Variants in GJB7 observed in about 807,000 individuals in gnomAD.
The protein encoded by GJB7 is gap junction protein beta 7.
For missense variants in GJB7, 253 were observed against 256.8 expected (o/e 0.99, Z 0.10); for synonymous variants, 87 against 95.2 (o/e 0.91, Z 0.50).
intron 1 of GJB7, among the ~76,000 whole-genome samples, chr6:87,327,024 G>T: frequency 7.2e-6 from 1 of 138,312 alleles, no homozygotes; most frequent in African/African-American, 2.8e-5. Flanking sequence ...TTATGTAATG[G>T]CCTTCTTTGT....
At chr6:87,287,431 C>T (rs185224238) in intron 2 of GJB7, among the ~76,000 whole-genome samples, 108 of 152,314 alleles carry the variant, frequency 7.1e-4, no homozygotes, top group African/African-American at 2.2e-3. Context: ...AGCAAGCCCA[C>T]ATTCCAGAGC....
At position 87,284,588 on chromosome 6, in the gene GJB7, G is replaced by A. The variant is rs142609258; in HGVS notation, c.325C>T (p.Leu109Phe). The A allele has an allele frequency of 6.1e-5, 99 of 1,614,118 alleles. 1 individual carries two copies. In the African/African-American group the frequency reaches 1.3e-3, roughly 21 times the overall value. Residue 109 changes from leucine to phenylalanine, a missense_variant, in exon 3 of 3, where the codon CTC (leucine) becomes TTC (phenylalanine). Transcript: ENST00000525899. ...TCCATTGTACCTGGGCTGACATAGA[G>A]TTTCTTTCTGTGCCTTTTCTCTCTA... Reference protein sequence around the residue: ...EGREKRHRKKLYVSPGTMDGG... With the variant: ...EGREKRHRKKFYVSPGTMDGG...
At chr6:87,323,466 T>A (rs1293501215) in intron 1 of GJB7, among the ~76,000 whole-genome samples, 1 of 124,068 alleles carries the variant, frequency 8.1e-6, no homozygotes, top group Admixed American at 1.0e-4. Context: ...GATGTTCCCC[T>A]TCCTGTGTCC....
At chr6:87,309,632 A>G (rs934111534) in intron 2 of GJB7, among the ~76,000 whole-genome samples, 2 of 152,234 alleles carry the variant, frequency 1.3e-5, no homozygotes, top group African/African-American at 4.8e-5. Flanking sequence ...GAAAGAAAAT[A>G]TTGATTTTTT....
intron 2 of GJB7, among the ~76,000 whole-genome samples, chr6:87,318,991 T>A (rs1776621428): frequency 6.6e-6 from 1 of 152,242 alleles, no homozygotes; most frequent in Admixed American, 6.5e-5. Context: ...GCTAGTGGCA[T>A]CAGTGGTCCC....
At chr6:87,310,011 T>C (rs939872328) in intron 2 of GJB7, among the ~76,000 whole-genome samples, 3 of 152,318 alleles carry the variant, frequency 2.0e-5, no homozygotes, top group East Asian at 1.9e-4. Context: ...TGGTTTCCTA[T>C]ATAGTCCTTA....
intron 2 of GJB7, chr6:87,299,110 A>T (rs1776285302): frequency 2.0e-6 from 1 of 495,338 alleles, no homozygotes; most frequent in Non-Finnish European, 4.0e-6. Context: ...GTGCTATTGT[A>T]CTGCCATGCT....
At chr6:87,316,743 A>G (rs1776589852) in intron 2 of GJB7, among the ~76,000 whole-genome samples, 2 of 152,080 alleles carry the variant, frequency 1.3e-5, no homozygotes, top group Admixed American at 1.3e-4. Flanking sequence ...CATTCCCTAA[A>G]CGTGGATGCA....
chr6:87,306,417 T>G (rs1297675304), intron 2 of GJB7, among the ~76,000 whole-genome samples: 3 of 152,142 alleles, frequency 2.0e-5, no homozygotes, highest in East Asian at 1.9e-4. Context: ...AAAAAACACA[T>G]GAAAAAATGC....
chr6:87,290,397 C>T (rs966809253), intron 2 of GJB7, among the ~76,000 whole-genome samples: 3 of 152,116 alleles, frequency 2.0e-5, no homozygotes, highest in African/African-American at 7.2e-5. Flanking sequence ...GTTGTGCCTG[C>T]TGACACTAGC....
intron 1 of GJB7, among the ~76,000 whole-genome samples, chr6:87,328,088 CTTGG>C: frequency 6.6e-6 from 1 of 152,164 alleles, no homozygotes; most frequent in Non-Finnish European, 1.5e-5. Context: ...GTTCTTGAGC[CTTGG>C]TTTTCAGCTC....
At chr6:87,317,574 C>T (rs1434760185) in intron 2 of GJB7, among the ~76,000 whole-genome samples, 1 of 152,072 alleles carries the variant, frequency 6.6e-6, no homozygotes, top group Non-Finnish European at 1.5e-5. Flanking sequence ...GGATTACGGG[C>T]ACGCGCCACC....
chr6:87,290,553 A>G (rs1383566479), intron 2 of GJB7, among the ~76,000 whole-genome samples: 1 of 151,070 alleles, frequency 6.6e-6, no homozygotes, highest in Non-Finnish European at 1.5e-5. Flanking sequence ...CAAGAAGTTT[A>G]TATGTACGTT....
chr6:87,288,566 A>G (rs927551854), intron 2 of GJB7, among the ~76,000 whole-genome samples: 5 of 152,184 alleles, frequency 3.3e-5, no homozygotes, highest in Non-Finnish European at 7.3e-5. Flanking sequence ...ATGTCATCTC[A>G]TAAACTTAAA....
intron 2 of GJB7, among the ~76,000 whole-genome samples, chr6:87,301,596 T>G (rs1271207555): frequency 6.6e-6 from 1 of 152,066 alleles, no homozygotes; most frequent in African/African-American, 2.4e-5. Flanking sequence ...AGACTCCCCC[T>G]CTGGAGGGGA....
At chr6:87,309,700 C>G (rs903525869) in intron 2 of GJB7, among the ~76,000 whole-genome samples, 7 of 152,120 alleles carry the variant, frequency 4.6e-5, no homozygotes, top group Non-Finnish European at 7.4e-5. Context: ...TTAATAGGGA[C>G]TTAAAAACAG....
chr6:87,326,561 A>G (rs1341732001), intron 1 of GJB7, among the ~76,000 whole-genome samples: 2 of 150,046 alleles, frequency 1.3e-5, no homozygotes, highest in East Asian at 1.9e-4. Flanking sequence ...TTCAGTTTCC[A>G]TGTAGTTGAG....
chr6:87,301,316 G>A (rs961079619), intron 2 of GJB7, among the ~76,000 whole-genome samples: 2 of 152,134 alleles, frequency 1.3e-5, no homozygotes, highest in East Asian at 1.9e-4. Context: ...CTGGAAAATC[G>A]GGTCACTCCC....
intron 1 of GJB7, among the ~76,000 whole-genome samples, chr6:87,325,200 T>C (rs1487751632): frequency 6.6e-6 from 1 of 152,010 alleles, no homozygotes; most frequent in Non-Finnish European, 1.5e-5. Context: ...TATACAGTCA[T>C]GTCATCTGCA....
Sources: allele counts gnomAD v4.1 joint callset (sites outside exome capture counted in the v4.1 genomes callset), GRCh38; gene constraint gnomAD v4.1.1; transcripts MANE v1.5; gene names NCBI Gene and HGNC (gene_info 2026-07-23, HGNC 2026-07-21).